ARHGAP25: variants seen among roughly 807,000 people sequenced by gnomAD.
ARHGAP25 encodes Rho GTPase activating protein 25.
In ARHGAP25, 34 loss-of-function variants were observed where a neutral mutation model predicts 71.0. The ratio of observed to expected loss-of-function variants is 0.48; its 90% confidence interval spans 0.36 to 0.64. The LOEUF (loss-of-function observed/expected upper bound fraction) is 0.64. ARHGAP25 is among the 30% of genes least tolerant of loss of function. The pLI, the probability that ARHGAP25 is intolerant of heterozygous loss-of-function variation, is 0.00. For missense variants in ARHGAP25, 706 were observed against 805.1 expected, an observed-to-expected ratio of 0.88 and a Z score of 1.49; for synonymous variants, 282 against 296.5, an observed-to-expected ratio of 0.95 and a Z score of 0.50.
At chr2:68,807,583 C>A in intron 5 of ARHGAP25, 103 bp downstream of exon 5, 1 of 1,153,680 alleles carries the variant, frequency 8.7e-7, no homozygotes, top group Non-Finnish European at 1.3e-6. Context: ...TGCATAGAGA[C>A]TTCTAAGAGC....
chr2:68,720,316 CAAAAAAAAAA>C (rs11314943), intron 2 of ARHGAP25, among the ~76,000 whole-genome samples: 1 of 75,690 alleles, frequency 1.3e-5, no homozygotes, highest in Non-Finnish European at 2.6e-5. Context: ...ACATTTCAGT[CAAAAAAAAAA>C]AAAAAAAGAA....
In ARHGAP25 at chr2:68,819,294, C is replaced by T. The variant is rs1228442592; in HGVS notation, c.1175C>T (p.Ser392Phe). The change falls in exon 9 of 11, where the codon TCT becomes TTT. Residue 392 changes from serine to phenylalanine, a missense_variant. Coordinates refer to ENST00000409202, the MANE Select transcript of ARHGAP25 (RefSeq NM_001007231.3). ...GWDATEDLRI[S>F]RTDSFSSMTS... The stretch of plus-strand genomic sequence containing the variant: ...GATGCCACTGAAGACCTCCGAATTT[C>T]TAGGACAGACAGCTTCAGTAGCATG... 1 of 1,614,078 alleles carries T rather than the reference C, an allele frequency of 6.2e-7. No homozygotes were observed. Among genetic ancestry groups the T allele is most frequent in the Non-Finnish European group, 8.5e-7 (1 of 1,180,032 alleles).
rs766868122 is a variant in ARHGAP25, at chr2:68,825,991, G to C, written c.1738G>C (p.Glu580Gln). The part of the protein sequence containing the change: ...QMYEEQIKNL[E>Q]KENYDVWAKV... Reference sequence around the variant, plus strand: ...CTTTTCTTTCCTTCCTTGTAGCCTTGAGAAGGAAAATTATGACGTTTGGGC... The same window carrying C: ...CTTTTCTTTCCTTCCTTGTAGCCTTCAGAAGGAAAATTATGACGTTTGGGC... Residue 580 changes from glutamate to glutamine, a missense_variant, in exon 11 of 11, where the codon GAG (glutamate) becomes CAG (glutamine). Transcript: ENST00000409202. The C allele has an allele frequency of 6.2e-7, 1 of 1,611,378 alleles. No individual in the cohort carries two copies. Among genetic ancestry groups the C allele is most frequent in the Admixed American group, 1.7e-5 (1 of 59,524 alleles).
At chr2:68,748,419 G>C (rs1675964102) in intron 1 of ARHGAP25, among the ~76,000 whole-genome samples, 1 of 151,982 alleles carries the variant, frequency 6.6e-6, no homozygotes, top group Admixed American at 6.5e-5. Context: ...ACTGTTATTT[G>C]TGCCTGAAAC....
chr2:68,752,888 AAG>A (rs907744181), intron 1 of ARHGAP25, among the ~76,000 whole-genome samples: 1 of 152,050 alleles, frequency 6.6e-6, no homozygotes, highest in Non-Finnish European at 1.5e-5. Context: ...GAGAGAGAGA[AAG>A]AGAGAGAGAT....
At chr2:68,789,006 A>G (rs979783273) in intron 4 of ARHGAP25, among the ~76,000 whole-genome samples, 2 of 150,764 alleles carry the variant, frequency 1.3e-5, no homozygotes, top group African/African-American at 2.4e-5. Flanking sequence ...TGGCTTAAGC[A>G]TTTTCCCCAA....
chr2:68,787,845 T>C lies in ARHGAP25; in HGVS notation c.355T>C (p.Trp119Arg). The change falls in exon 4 of 11, where the codon TGG becomes CGG. Residue 119 changes from tryptophan to arginine, a missense_variant. Trp to Arg is a moderately radical substitution (Grantham distance 101, BLOSUM62 -3). Transcript: ENST00000409202. ...KFVFEIIPAS[W>R]DQNRMGQDSY... ...AGTGCTAATTCTTCCTCCAGCCTCA[T>C]GGGACCAGAATCGCATGGGACAGGA... 1.2e-6 allele frequency: 2 copies of C among 1,614,042 alleles called. No homozygotes were observed. Among genetic ancestry groups the C allele is most frequent in the Non-Finnish European group, 1.7e-6 (2 of 1,179,908 alleles).
At chr2:68,821,377 G>C (rs2103717282) in intron 9 of ARHGAP25, among the ~76,000 whole-genome samples, 1 of 152,244 alleles carries the variant, frequency 6.6e-6, no homozygotes, top group Admixed American at 6.5e-5. Context: ...TGGGATTACA[G>C]GCATCAGCCG....
At chr2:68,812,848 G>A (rs540570830) in intron 5 of ARHGAP25, among the ~76,000 whole-genome samples, 2 of 152,140 alleles carry the variant, frequency 1.3e-5, no homozygotes, top group South Asian at 2.1e-4. Flanking sequence ...GAGTAAATAC[G>A]TGAGTGAACC....
intron 4 of ARHGAP25, among the ~76,000 whole-genome samples, chr2:68,805,159 A>T (rs763187233): frequency 2.0e-5 from 3 of 152,128 alleles, no homozygotes; most frequent in Non-Finnish European, 4.4e-5. Context: ...AGCAGACTGG[A>T]CAGGGAGGAG....
At chr2:68,776,803 C>T (rs978169408) in intron 2 of ARHGAP25, among the ~76,000 whole-genome samples, 3 of 152,134 alleles carry the variant, frequency 2.0e-5, no homozygotes, top group Admixed American at 2.0e-4. Context: ...ACTCTAGAAC[C>T]TTCTGGAGCC....
chr2:68,796,133 G>A (rs920829988), intron 4 of ARHGAP25, among the ~76,000 whole-genome samples: 7 of 152,062 alleles, frequency 4.6e-5, no homozygotes, highest in Non-Finnish European at 7.4e-5. Context: ...GCTTTTGAAT[G>A]TTTTCTGTAA....
chr2:68,755,227 C>G (rs72895926), intron 1 of ARHGAP25, among the ~76,000 whole-genome samples: 4,754 of 152,084 alleles, frequency 0.031, 252 homozygotes, highest in African/African-American at 0.11. Context: ...CCAGCACTGC[C>G]CACATGAACA....
rs182483084 is a variant in ARHGAP25, at chr2:68,768,529, A to T, written c.62-6692A>T. Among the ~76,000 whole-genome samples, 317 of 152,326 alleles carry T rather than the reference A, an allele frequency of 2.1e-3. 2 individuals carry two copies. The highest frequency in any genetic ancestry group is 3.3e-3 in the Non-Finnish European group (224 of 68,024). On this transcript the variant is annotated intron_variant, in intron 1 of 10. Coordinates refer to ENST00000409202, the MANE Select transcript of ARHGAP25 (RefSeq NM_001007231.3). ...TGGAGCTTTACTAAAAATCCCAAGGAAAACAGCACCCTTTTCTGTCTTGCA... is the reference window on the plus strand; with the variant it reads ...TGGAGCTTTACTAAAAATCCCAAGGTAAACAGCACCCTTTTCTGTCTTGCA...
chr2:68,772,865 T>C (rs144708749), intron 1 of ARHGAP25, among the ~76,000 whole-genome samples: 32 of 152,354 alleles, frequency 2.1e-4, no homozygotes, highest in Non-Finnish European at 3.7e-4. Flanking sequence ...GACACACTGA[T>C]ATAAAGCAAA....
rs1303851898 is a variant in ARHGAP25, at chr2:68,767,400, G to T, written c.62-7821G>T. Among the ~76,000 whole-genome samples, 1 of 151,730 alleles carries T rather than the reference G, an allele frequency of 6.6e-6. No individual in the cohort carries two copies. The highest frequency in any genetic ancestry group is 2.1e-4 in the South Asian group (1 of 4,800). On this transcript the variant is annotated intron_variant, in intron 1 of 10. Coordinates refer to ENST00000409202, the MANE Select transcript of ARHGAP25 (RefSeq NM_001007231.3). The surrounding 1 kb of genome is among the most constrained non-coding windows in gnomAD (Gnocchi z 4.6). ...CAGTCTGATAACAGGATAGGTGGGG[G>T]GTCTGCATGTATGTATGTGTGAATG...
chr2:68,789,807 G>A (rs1679037124), intron 4 of ARHGAP25, among the ~76,000 whole-genome samples: 1 of 152,108 alleles, frequency 6.6e-6, no homozygotes, highest in African/African-American at 2.4e-5. Context: ...GTGAACTGCT[G>A]TACTCTGTCA....
intron 2 of ARHGAP25, among the ~76,000 whole-genome samples, chr2:68,714,306 T>C (rs1674559330): frequency 1.3e-5 from 2 of 152,218 alleles, no homozygotes; most frequent in African/African-American, 4.8e-5. Flanking sequence ...TGGTAGTTTG[T>C]ATTTCTGTGG....
upstream of ARHGAP25, chr2:68,734,776 A>AACAC (rs34581475): frequency 0.048 from 8,533 of 177,616 alleles, 282 homozygotes; most frequent in Admixed American, 0.084. Flanking sequence ...TTAAAAAAGA[A>AACAC]ACACACACAC....
Sources: allele counts gnomAD v4.1 joint callset (sites outside exome capture counted in the v4.1 genomes callset), GRCh38; gene constraint gnomAD v4.1.1; non-coding constraint Gnocchi (gnomAD v3.1); transcripts MANE v1.5; gene names NCBI Gene and HGNC (gene_info 2026-07-23, HGNC 2026-07-21).